Variants in LINGO2 observed in about 807,000 individuals in gnomAD.
LINGO2 encodes the protein leucine-rich repeat and immunoglobulin-like domain-containing nogo receptor-interacting protein 2.
Under a neutral mutation model 30.6 loss-of-function variants are expected in LINGO2, and 14 were observed. That is an observed-to-expected ratio of 0.46 (90% CI 0.30 to 0.72). The LOEUF is 0.72. LINGO2 is among the 30% of genes least tolerant of loss of function. LINGO2 has a pLI of 0.07. For synonymous variants in LINGO2, 317 were observed against 288.5 expected (o/e 1.10, Z -1.00); for missense variants, 729 against 751.7 (o/e 0.97, Z 0.35).
At chr9:29,055,936 G>GTATATATATATATATATACACATATA in the LINGO2 span, among the ~76,000 whole-genome samples, 291 of 121,876 alleles carry the variant, frequency 2.4e-3, 14 homozygotes, top group African/African-American at 6.6e-3. Flanking sequence ...GTGTATGTGT[G>GTATATATATATATATATACACATATA]TGTGTATATA....
chr9:27,944,912 C>T (rs1823305621), downstream of LINGO2, among the ~76,000 whole-genome samples: 1 of 152,140 alleles, frequency 6.6e-6, no homozygotes, highest in Non-Finnish European at 1.5e-5. Flanking sequence ...AACATAATCT[C>T]TGATTCTTCT....
chr9:28,029,147 A>G (rs2119441929), intron 4 of LINGO2, among the ~76,000 whole-genome samples: 1 of 152,314 alleles, frequency 6.6e-6, no homozygotes, highest in East Asian at 1.9e-4. Context: ...TGGTATTTAA[A>G]TATCAAAAAA....
chr9:28,515,776 T>C (rs1456378695), intron 1 of LINGO2, among the ~76,000 whole-genome samples: 1 of 152,216 alleles, frequency 6.6e-6, no homozygotes, highest in Non-Finnish European at 1.5e-5. Context: ...ACTTTGTTGA[T>C]AAAGCAATGG....
chr9:29,117,422 A>T, the LINGO2 span, among the ~76,000 whole-genome samples: 1 of 152,234 alleles, frequency 6.6e-6, no homozygotes, highest in African/African-American at 2.4e-5. Flanking sequence ...ACCTTAAAAG[A>T]AATGTTAAGT....
intron 5 of LINGO2, among the ~76,000 whole-genome samples, chr9:28,001,145 T>C (rs572590607): frequency 2.6e-4 from 39 of 152,366 alleles, no homozygotes; most frequent in African/African-American, 9.1e-4. Flanking sequence ...ACAAATTTTT[T>C]TTTAACTATA....
At chr9:28,439,356 C>G (rs1201234748) in intron 2 of LINGO2, among the ~76,000 whole-genome samples, 1 of 151,868 alleles carries the variant, frequency 6.6e-6, no homozygotes, top group African/African-American at 2.4e-5. Flanking sequence ...TAGTGCTGTT[C>G]ATCAAATGTT....
At chr9:28,840,547 C>G in the LINGO2 span, among the ~76,000 whole-genome samples, 1 of 151,840 alleles carries the variant, frequency 6.6e-6, no homozygotes, top group African/African-American at 2.4e-5. Context: ...TTTATTCAGT[C>G]AAACATCTTT....
chr9:28,945,966 C>T, the LINGO2 span, among the ~76,000 whole-genome samples: 1 of 152,146 alleles, frequency 6.6e-6, no homozygotes, highest in South Asian at 2.1e-4. Flanking sequence ...ACACCAATCT[C>T]CTAACCCAAT....
At chr9:28,083,302 G>A (rs1031046639) in intron 4 of LINGO2, among the ~76,000 whole-genome samples, 1 of 152,088 alleles carries the variant, frequency 6.6e-6, no homozygotes, top group Admixed American at 6.6e-5. Flanking sequence ...CTAGACAATC[G>A]TGCTTGGTCG....
At chr9:29,119,081 C>T in the LINGO2 span, among the ~76,000 whole-genome samples, 5 of 152,220 alleles carry the variant, frequency 3.3e-5, no homozygotes, top group East Asian at 9.7e-4. Context: ...AACCTGTGAC[C>T]TAGTACTACC....
chr9:29,194,779 T>C, the LINGO2 span, among the ~76,000 whole-genome samples: 2 of 152,152 alleles, frequency 1.3e-5, no homozygotes, highest in Non-Finnish European at 2.9e-5. Context: ...TTACCAAGAT[T>C]TCCTCCATGT....
intron 1 of LINGO2, among the ~76,000 whole-genome samples, chr9:28,608,151 TAAA>T (rs10968670): frequency 3.4e-5 from 5 of 147,632 alleles, no homozygotes; most frequent in South Asian, 2.1e-4. Flanking sequence ...TGTAGAAAGA[TAAA>T]AAAAAAAAAA....
At chr9:29,069,562 C>A in the LINGO2 span, among the ~76,000 whole-genome samples, 1 of 151,866 alleles carries the variant, frequency 6.6e-6, no homozygotes, top group African/African-American at 2.4e-5. Context: ...TTATGAAATT[C>A]CTTTTTCAAG....
chr9:28,682,994 C>T, the LINGO2 span, among the ~76,000 whole-genome samples: 1 of 152,058 alleles, frequency 6.6e-6, no homozygotes. Flanking sequence ...TAAGTATTCC[C>T]ACTTTCCCTG....
the LINGO2 span, among the ~76,000 whole-genome samples, chr9:28,719,779 C>T: frequency 1.3e-5 from 2 of 152,072 alleles, no homozygotes; most frequent in African/African-American, 4.8e-5. Flanking sequence ...GCTTTTATTG[C>T]TTATTAAATA....
At chr9:28,414,917 A>G (rs10757739) in intron 2 of LINGO2, among the ~76,000 whole-genome samples, 70,366 of 151,870 alleles carry the variant, frequency 0.46, 16,713 homozygotes, top group East Asian at 0.69. Context: ...ACTGAAAACA[A>G]GTCCAGAGTT....
At chr9:28,232,299 T>C (rs993329571) in intron 4 of LINGO2, among the ~76,000 whole-genome samples, 4 of 151,314 alleles carry the variant, frequency 2.6e-5, no homozygotes, top group Non-Finnish European at 5.9e-5. Context: ...CTCGAGAAGC[T>C]GAGGCTGGAG....
chr9:28,915,294 C>T, the LINGO2 span, among the ~76,000 whole-genome samples: 1 of 152,274 alleles, frequency 6.6e-6, no homozygotes, highest in East Asian at 1.9e-4. Flanking sequence ...GTCACTTCTT[C>T]AAGAAAGGCA....
At chr9:28,707,099 A>C in the LINGO2 span, among the ~76,000 whole-genome samples, 2 of 152,112 alleles carry the variant, frequency 1.3e-5, no homozygotes, top group Non-Finnish European at 2.9e-5. Context: ...GCTATGAAAA[A>C]TTCACATGTG....
Sources: gnomAD v4.1 joint callset for allele counts (sites outside exome capture counted in the v4.1 genomes callset) on GRCh38, gnomAD v4.1.1 for gene constraint, MANE v1.5 for transcripts, NCBI Gene and HGNC (gene_info 2026-07-23, HGNC 2026-07-21) for gene names.